USP53: variants seen among roughly 807,000 people sequenced by gnomAD.
USP53 encodes the protein ubiquitin carboxyl-terminal hydrolase 53.
Under a neutral mutation model 94.9 loss-of-function variants are expected in USP53, and 71 were observed. The ratio of observed to expected loss-of-function variants is 0.75; its 90% CI spans 0.62 to 0.91. The LOEUF (loss-of-function observed/expected upper bound fraction) is 0.91. USP53 is among the 40% of genes least tolerant of loss of function. The probability of loss-of-function intolerance (pLI) is 0.00; values close to 1 mark genes in which losing one functional copy is unlikely to be tolerated. For synonymous variants in USP53, 375 were observed against 422.7 expected, an observed-to-expected ratio of 0.89 and a Z score of 1.39; for missense variants, 1,173 against 1,281.0, an observed-to-expected ratio of 0.92 and a Z score of 1.29.
rs201415416 is a variant in USP53, at chr4:119,261,760, A to C, written c.868A>C (p.Asn290His). ...TGAAAATGCCAAAAATAGTGAACTT[A>C]ACCTTGTTGGTATGATCTGCTACAC... ...TDENAKNSEL[N>H]LVGMICYTSQ... The change falls in exon 12 of 19, where the codon AAC (asparagine) becomes CAC (histidine). Residue 290 changes from asparagine to histidine, a missense_variant. Transcript: ENST00000692078. The C allele has an allele frequency of 2.6e-5, 40 of 1,561,574 alleles. No individual in the cohort carries two copies. In the East Asian group the frequency reaches 8.9e-4, roughly 35 times the overall value.
chr4:119,237,695 A>T (rs1334650875), intron 4 of USP53, among the ~76,000 whole-genome samples: 2 of 152,202 alleles, frequency 1.3e-5, no homozygotes, highest in Non-Finnish European at 2.9e-5. Context: ...TCTTCCACAG[A>T]TGACAGTCTT....
At position 119,294,473 on chromosome 4, in the gene USP53, T is replaced by C. The variant is rs1755080470; in HGVS notation, c.*1262T>C. 1 of 151,954 alleles carries C rather than the reference T, an allele frequency of 6.6e-6. No individual in the cohort carries two copies. 9.4% of individuals were successfully genotyped at this position (151,954 alleles called of 1,614,324 possible). A position where few individuals can be genotyped will look rare whatever the true frequency, so the allele number is the denominator to read the frequency against. The stretch of plus-strand genomic sequence containing the variant: ...TAAAAATAAGTTACTTTAATTGCTT[T>C]ATTTCGTTAGTTGTCATTTTATTTT... On this transcript the variant is annotated 3_prime_UTR_variant, in exon 19 of 19. Transcript: ENST00000692078.
chr4:119,234,004 C>T (rs1746403937), intron 3 of USP53, among the ~76,000 whole-genome samples: 1 of 152,146 alleles, frequency 6.6e-6, no homozygotes, highest in South Asian at 2.1e-4. Flanking sequence ...TTCTCCAGGA[C>T]CTGCTATCCT....
At chr4:119,286,155 T>C (rs1281657138) in intron 17 of USP53, among the ~76,000 whole-genome samples, 1 of 151,894 alleles carries the variant, frequency 6.6e-6, no homozygotes, top group Admixed American at 6.6e-5. Flanking sequence ...TTCAAATTTA[T>C]TTCAAATGTA....
Position 119,271,944 on chromosome 4 carries a change from G to A in USP53, c.2084G>A (p.Ser695Asn), listed in dbSNP as rs1314964265. 1.9e-6 allele frequency: 3 copies of A among 1,614,124 alleles called. No homozygotes were observed. In the Admixed American group the frequency reaches 5.0e-5, roughly 27 times the overall value. ...GGATATGAAAGCAGTGATCACATCA[G>A]TAATGGTTCTACTAATTTGGACTCA... ...ESGYESSDHI[S>N]NGSTNLDSPV... The change falls in exon 16 of 19, where the codon AGT (serine) becomes AAT (asparagine). Residue 695 changes from serine (S) to asparagine (N), a missense_variant. Transcript: ENST00000692078.
intron 3 of USP53, among the ~76,000 whole-genome samples, chr4:119,225,166 A>T (rs1745070424): frequency 6.6e-6 from 1 of 152,132 alleles, no homozygotes; most frequent in African/African-American, 2.4e-5. Flanking sequence ...AGTATTGTGA[A>T]TTTTTTTGCC....
At chr4:119,218,374 TA>T (rs1420388837) in intron 3 of USP53, 1 of 152,254 alleles carries the variant, frequency 6.6e-6, no homozygotes, top group Non-Finnish European at 1.5e-5. Flanking sequence ...CCATGTCCTA[TA>T]TTCTGGATAC....
At chr4:119,214,878 CTT>C (rs1294603508) in intron 2 of USP53, among the ~76,000 whole-genome samples, 1 of 152,156 alleles carries the variant, frequency 6.6e-6, no homozygotes, top group African/African-American at 2.4e-5. Context: ...AACTCTCTTA[CTT>C]ACTGGGGTAG....
chr4:119,230,938 A>AGTCACTGTGACTGAAAGGTG (rs1745980748), intron 3 of USP53, among the ~76,000 whole-genome samples: 1 of 152,168 alleles, frequency 6.6e-6, no homozygotes, highest in Admixed American at 6.5e-5. Flanking sequence ...TGTTCCATGA[A>AGTCACTGTGACTGAAAGGTG]GTCACTGTGA....
chr4:119,247,820 AT>A (rs975965792), intron 6 of USP53, among the ~76,000 whole-genome samples: 2 of 152,208 alleles, frequency 1.3e-5, no homozygotes, highest in African/African-American at 2.4e-5. Context: ...ACTATTCATA[AT>A]TTTAGCTACT....
intron 3 of USP53, among the ~76,000 whole-genome samples, chr4:119,227,299 A>ACACACACACAC (rs1491380548): frequency 3.5e-4 from 51 of 145,756 alleles, no homozygotes; most frequent in South Asian, 4.4e-4. Context: ...ACACACACAC[A>ACACACACACAC]AACTTGAAAT....
At chr4:119,289,875 T>G (rs1754541815) in intron 17 of USP53, among the ~76,000 whole-genome samples, 1 of 152,222 alleles carries the variant, frequency 6.6e-6, no homozygotes, top group Non-Finnish European at 1.5e-5. Flanking sequence ...TCCCTTTTCT[T>G]CATCTCTACC....
rs1578525005 is a variant in USP53 at position 119,269,613 on chromosome 4, T to C, written c.1289-78T>C. Reference sequence around the variant, plus strand: ...TCTTTTTAAATATATCTTAACATTTTTATATAGATCAATTTTTATTTTTAT... The same window carrying C: ...TCTTTTTAAATATATCTTAACATTTCTATATAGATCAATTTTTATTTTTAT... On this transcript the variant is annotated intron_variant, in intron 14 of 18. Transcript: ENST00000692078. 12 of 1,009,870 alleles carry C rather than the reference T, an allele frequency of 1.2e-5. No individual in the cohort carries two copies. In the East Asian group the frequency reaches 3.7e-4, roughly 31 times the overall value. The allele number at this position is 1,009,870 out of a possible 1,614,324, so 62.6% of individuals were successfully genotyped here.
At chr4:119,255,687 C>T (rs998588074) in intron 7 of USP53, among the ~76,000 whole-genome samples, 1 of 152,190 alleles carries the variant, frequency 6.6e-6, no homozygotes, top group African/African-American at 2.4e-5. Flanking sequence ...GGGAAATCCC[C>T]TGACCCCTTG....
intron 1 of USP53, 38 bp from the exon 2 acceptor site, chr4:119,214,032 T>C (rs1743341138): frequency 6.6e-6 from 1 of 152,006 alleles, no homozygotes. Flanking sequence ...AATGAACTTT[T>C]AGTTACATTG....
chr4:119,213,641 G>GATATATTAGATATATATAGATAT (rs1553961986), intron 1 of USP53, among the ~76,000 whole-genome samples: 9 of 108,022 alleles, frequency 8.3e-5, no homozygotes, highest in South Asian at 3.3e-4. Flanking sequence ...TCTGGAAATA[G>GATATATTAGATATATATAGATAT]ATATATATAT....
chr4:119,245,650 T>C (rs540168283), intron 6 of USP53, among the ~76,000 whole-genome samples: 1 of 152,314 alleles, frequency 6.6e-6, no homozygotes, highest in Admixed American at 6.5e-5. Flanking sequence ...ATAAAATTGT[T>C]AGGAACATTA....
At chr4:119,234,559 G>A (rs1746482474) in intron 3 of USP53, among the ~76,000 whole-genome samples, 1 of 152,138 alleles carries the variant, frequency 6.6e-6, no homozygotes, top group African/African-American at 2.4e-5. Flanking sequence ...GGCAGACTTG[G>A]TGTCTAATAA....
chr4:119,242,362 A>G (rs542345944), intron 5 of USP53, among the ~76,000 whole-genome samples: 1 of 152,202 alleles, frequency 6.6e-6, no homozygotes, highest in Non-Finnish European at 1.5e-5. Context: ...TAGGCGGGAC[A>G]GAGCTATGCT....
Sources: gnomAD v4.1 joint callset for allele counts (sites outside exome capture counted in the v4.1 genomes callset) on GRCh38, gnomAD v4.1.1 for gene constraint, MANE v1.5 for transcripts, NCBI Gene and HGNC (gene_info 2026-07-23, HGNC 2026-07-21) for gene names.